Variants in NAV1 observed in about 807,000 individuals in gnomAD.
NAV1 encodes neuron navigator 1.
In NAV1, 18 loss-of-function variants were observed where a neutral mutation model predicts 175.2. That is an observed-to-expected ratio of 0.10 (90% CI 0.07 to 0.15). NAV1 has a LOEUF of 0.15. Among genes scored for constraint, NAV1 ranks in the 10% least tolerant of loss-of-function variants. The probability of loss-of-function intolerance (pLI) is 1.00; values close to 1 mark genes in which losing one functional copy is unlikely to be tolerated. For missense variants in NAV1, 1,731 were observed against 2,436.6 expected (o/e 0.71, Z 6.10); for synonymous variants, 897 against 978.7 (o/e 0.92, Z 1.56).
chr1:201,740,028 T>A lies in NAV1; in HGVS notation c.1226+21273T>A. 6.7e-7 allele frequency: 1 copy of A among 1,489,416 alleles called. No individual in the cohort carries two copies. The highest frequency in any genetic ancestry group is 9.0e-7 in the Non-Finnish European group (1 of 1,116,398). The allele number at this position is 1,489,416 out of a possible 1,614,324, so 92.3% of individuals were successfully genotyped here. A position where few individuals can be genotyped will look rare whatever the true frequency, so the allele number is the denominator to read the frequency against. ...TGGCCGCCTGAGCCGGGGAAGATGC[T>A]TCATCTGCCCCTGCCCAGATCCGGA... is the stretch of plus-strand genomic sequence containing the variant. On this transcript the variant is annotated intron_variant, in intron 3 of 29. Coordinates refer to ENST00000367296, the Ensembl canonical transcript of NAV1. The surrounding 1 kb of genome is among the most constrained non-coding windows in gnomAD (Gnocchi z 4.7).
intron 2 of NAV1, among the ~76,000 whole-genome samples, chr1:201,602,666 G>GTT (rs141386046): frequency 3.4e-4 from 31 of 92,448 alleles, no homozygotes; most frequent in East Asian, 1.1e-3. Flanking sequence ...TTTTTTTTTT[G>GTT]GTTTTTTTTT....
intron 1 of NAV1, among the ~76,000 whole-genome samples, chr1:201,575,833 G>T (rs1336989373): frequency 6.6e-6 from 1 of 152,128 alleles, no homozygotes; most frequent in African/African-American, 2.4e-5. Context: ...TTGCATCTTG[G>T]TCCTTGATCA....
chr1:201,631,204 T>A (rs1245553893), intron 2 of NAV1, among the ~76,000 whole-genome samples: 1 of 152,192 alleles, frequency 6.6e-6, no homozygotes, highest in African/African-American at 2.4e-5. Context: ...TAGCTAGTTG[T>A]CATGGTGACC....
At chr1:201,581,861 A>G (rs932074181) in intron 1 of NAV1, among the ~76,000 whole-genome samples, 3 of 152,094 alleles carry the variant, frequency 2.0e-5, no homozygotes, top group African/African-American at 7.2e-5. Flanking sequence ...CTCCCTGATA[A>G]GGTTCTAAGA....
At chr1:201,713,833 T>C (rs1672017497) in intron 2 of NAV1, among the ~76,000 whole-genome samples, 1 of 152,164 alleles carries the variant, frequency 6.6e-6, no homozygotes, top group Non-Finnish European at 1.5e-5. Flanking sequence ...ACAGGGGCAG[T>C]GGAAAAGGAC....
At chr1:201,732,531 G>A (rs12061554) in intron 3 of NAV1, among the ~76,000 whole-genome samples, 22,757 of 151,932 alleles carry the variant, frequency 0.15, 2,098 homozygotes, top group East Asian at 0.36. Flanking sequence ...CCTGCTCTTG[G>A]GAAGTAGAGT....
chr1:201,824,279 T>C (rs1679550272), exon 30 of NAV1: 1 of 152,136 alleles, frequency 6.6e-6, no homozygotes. Flanking sequence ...GCAGAGGGTT[T>C]ATTAATAGAG....
intron 2 of NAV1, among the ~76,000 whole-genome samples, chr1:201,601,074 G>GT (rs1667498465): frequency 6.6e-6 from 1 of 152,234 alleles, no homozygotes. Flanking sequence ...GCTCCAGGGA[G>GT]CTACTCAGCT....
rs757772086 is a variant in NAV1, at chr1:201,813,246, G to C, written c.5328G>C (p.Lys1776Asn). 2 of 1,612,020 alleles carry C rather than the reference G, an allele frequency of 1.2e-6. No individual in the cohort carries two copies. Among genetic ancestry groups the C allele is most frequent in the African/African-American group, 1.3e-5 (1 of 74,878 alleles). ...TTCCCTATCTACAGGAAGGAGCCAA[G>C]GATGGGATAAAGGTGAGCCCTACCC... The change falls in exon 28 of 30, where the codon AAG becomes AAC. Residue 1776 changes from lysine (K) to asparagine (N), a missense_variant. Lys to Asn is a moderately conservative substitution (Grantham distance 94). This residue lies in a region of NAV1 where 30 missense variants were observed against 97.3 expected (regional missense o/e 0.31). Coordinates refer to ENST00000367296, the Ensembl canonical transcript of NAV1. The surrounding 1 kb of genome is among the most constrained non-coding windows in gnomAD (Gnocchi z 4.2).
rs191280104 is a variant in NAV1 at position 201,749,836 on chromosome 1, G to A, written c.1227-30585G>A. ...GGATCACTTGAGCCTAGGACGTCGA[G>A]GCTGCTGCATTGAGCCATGTTCACG... On this transcript the variant is annotated intron_variant, in intron 3 of 29. Coordinates refer to ENST00000367296, the Ensembl canonical transcript of NAV1. Among the ~76,000 whole-genome samples the A allele has an allele frequency of 4.7e-4, 72 of 152,244 alleles. 1 individual carries two copies. Among genetic ancestry groups the A allele is most frequent in the African/African-American group, 1.7e-3 (70 of 41,548 alleles).
chr1:201,771,569 G>A (rs2102674487), intron 3 of NAV1, among the ~76,000 whole-genome samples: 1 of 151,500 alleles, frequency 6.6e-6, no homozygotes, highest in East Asian at 1.9e-4. Context: ...TCTATGACAG[G>A]CTAGACTGAC....
At chr1:201,703,634 T>C (rs1018681764) in intron 1 of NAV1, among the ~76,000 whole-genome samples, 1 of 152,092 alleles carries the variant, frequency 6.6e-6, no homozygotes, top group African/African-American at 2.4e-5. Context: ...GCTGTGGAGG[T>C]ATTGCTTTCT....
upstream of NAV1, among the ~76,000 whole-genome samples, chr1:201,646,830 C>T (rs748984712): frequency 6.6e-6 from 1 of 152,216 alleles, no homozygotes; most frequent in Admixed American, 6.5e-5. Flanking sequence ...CACAGTTCTA[C>T]ACCCGGAGAG....
At chr1:201,645,891 A>T (rs548528386), upstream of NAV1, among the ~76,000 whole-genome samples, 2 of 152,346 alleles carry the variant, frequency 1.3e-5, no homozygotes, top group African/African-American at 4.8e-5. Flanking sequence ...CATGTGATTG[A>T]ATTAGGGGCA....
At chr1:201,671,198 G>A (rs572967481) in intron 1 of NAV1, among the ~76,000 whole-genome samples, 2 of 152,314 alleles carry the variant, frequency 1.3e-5, no homozygotes, top group East Asian at 3.9e-4. Flanking sequence ...GGGTAGAAGT[G>A]GTCCCTGCCT....
Position 201,606,607 on chromosome 1 carries a change from C to T in NAV1, c.-32-16246C>T, listed in dbSNP as rs140593876. On this transcript the variant is annotated intron_variant, in intron 2 of 33. Coordinates refer to the NAV1 transcript ENST00000685211. ...TCTGTATTTCTGTCCTCTTCATGGA[C>T]AGAAAGTTCTTTGTAACCTCTAACT... Among the ~76,000 whole-genome samples, 335 of 152,338 alleles carry T rather than the reference C, an allele frequency of 2.2e-3. 1 individual carries two copies. The highest frequency in any genetic ancestry group is 7.4e-3 in the African/African-American group (308 of 41,572).
chr1:201,557,999 G>T (rs1666081420), intron 1 of NAV1, among the ~76,000 whole-genome samples: 1 of 152,166 alleles, frequency 6.6e-6, no homozygotes, highest in Admixed American at 6.5e-5. Context: ...CCAGGGATAA[G>T]AATAAGGGTG....
chr1:201,728,189 A>G (rs1672688065), intron 3 of NAV1, among the ~76,000 whole-genome samples: 1 of 151,980 alleles, frequency 6.6e-6, no homozygotes, highest in Admixed American at 6.6e-5. Flanking sequence ...TGGTGTAATC[A>G]GGGCTCGTGG....
chr1:201,817,416 C>T, intron 29 of NAV1, 131 bp downstream of exon 33: 1 of 763,314 alleles, frequency 1.3e-6, no homozygotes, highest in Non-Finnish European at 2.1e-6. Flanking sequence ...AGTTCAAAAC[C>T]AGCCTGGGCA....
Sources: gnomAD v4.1 joint callset for allele counts (sites outside exome capture counted in the v4.1 genomes callset) on GRCh38, gnomAD v4.1.1 for gene constraint, gnomAD v4.1.1 regional missense constraint, Gnocchi (gnomAD v3.1) non-coding constraint, MANE v1.5 for transcripts, NCBI Gene and HGNC (gene_info 2026-07-23, HGNC 2026-07-21) for gene names.